The following ICE2 variants were observed in gnomAD, a reference collection of about 807,000 sequenced individuals.
ICE2 encodes interactor of little elongation complex ELL subunit 2, also known as little elongation complex subunit 2.
Under a neutral mutation model 105.4 loss-of-function variants are expected in ICE2, and 87 were observed. The observed-to-expected ratio is 0.83, with a 90% CI of 0.69 to 0.99. The LOEUF is 0.99. ICE2 is among the 50% of genes least tolerant of loss of function. The pLI is 0.00. For missense variants in ICE2, 1,323 were observed against 1,146.7 expected (o/e 1.15, Z -2.22); for synonymous variants, 399 against 392.0 (o/e 1.02, Z -0.21).
chr15:60,472,319 G>T (rs549400746), intron 3 of ICE2, among the ~76,000 whole-genome samples: 7 of 151,964 alleles, frequency 4.6e-5, no homozygotes, highest in Admixed American at 2.6e-4. Flanking sequence ...CAGAATAAAA[G>T]GCCTTGTTTT....
intron 4 of ICE2, among the ~76,000 whole-genome samples, chr15:60,467,463 A>G (rs775237587): frequency 6.6e-6 from 1 of 152,226 alleles, no homozygotes; most frequent in Admixed American, 6.5e-5. Flanking sequence ...GTAATGTCCA[A>G]TATTAGTGAA....
At chr15:60,447,442 G>T (rs2063846960) in intron 11 of ICE2, 1 of 152,140 alleles carries the variant, frequency 6.6e-6, no homozygotes, top group South Asian at 2.1e-4. Context: ...TCAGATTTTG[G>T]ATTTTTTTCT....
chr15:60,434,486 T>A (rs1382049830), intron 13 of ICE2, among the ~76,000 whole-genome samples: 1 of 151,470 alleles, frequency 6.6e-6, no homozygotes, highest in African/African-American at 2.4e-5. Context: ...ATTGGGTCTG[T>A]GCTCCATCAA....
At chr15:60,455,799 G>A (rs1229523136) in intron 6 of ICE2, among the ~76,000 whole-genome samples, 1 of 152,074 alleles carries the variant, frequency 6.6e-6, no homozygotes, top group East Asian at 1.9e-4. Context: ...TGTATTTTTA[G>A]TAGGAACGGG....
intron 5 of ICE2, among the ~76,000 whole-genome samples, chr15:60,457,350 G>A (rs975349488): frequency 1.3e-5 from 2 of 152,144 alleles, no homozygotes; most frequent in African/African-American, 4.8e-5. Flanking sequence ...ACAGCTTTCT[G>A]TGAGAATAAT....
chr15:60,464,282 G>C (rs2064360745), intron 5 of ICE2, among the ~76,000 whole-genome samples: 1 of 152,118 alleles, frequency 6.6e-6, no homozygotes, highest in Non-Finnish European at 1.5e-5. Flanking sequence ...TATCTACATT[G>C]AGCACCTGAG....
chr15:60,454,348 G>A (rs942215871), intron 8 of ICE2, among the ~76,000 whole-genome samples: 2 of 151,932 alleles, frequency 1.3e-5, no homozygotes, highest in African/African-American at 2.4e-5. Flanking sequence ...TTCCAGTAAC[G>A]AACAAGTAAA....
At chr15:60,447,303 A>G (rs2063843575) in intron 11 of ICE2, among the ~76,000 whole-genome samples, 1 of 152,208 alleles carries the variant, frequency 6.6e-6, no homozygotes, top group South Asian at 2.1e-4. Flanking sequence ...GTAATAATGG[A>G]AATCCAAATT....
intron 8 of ICE2, 146 bp downstream of exon 8, chr15:60,454,857 C>T (rs538856392): frequency 8.3e-5 from 49 of 588,394 alleles, no homozygotes; most frequent in East Asian, 1.7e-4. Context: ...TCTCACCTTG[C>T]CCCCCACCCC....
chr15:60,467,681 T>G (rs2064468800), intron 4 of ICE2, among the ~76,000 whole-genome samples: 1 of 152,240 alleles, frequency 6.6e-6, no homozygotes, highest in Non-Finnish European at 1.5e-5. Context: ...TTTTAAGAAT[T>G]TATCTTATGG....
chr15:60,424,798 G>A (rs1275225536), intron 15 of ICE2, among the ~76,000 whole-genome samples: 4 of 152,144 alleles, frequency 2.6e-5, no homozygotes, highest in African/African-American at 7.2e-5. Context: ...GAGCCACCGC[G>A]CCCAGCCAAG....
chr15:60,444,916 C>T (rs564185387), intron 11 of ICE2, among the ~76,000 whole-genome samples: 3 of 152,138 alleles, frequency 2.0e-5, no homozygotes, highest in African/African-American at 7.2e-5. Flanking sequence ...AACTCCTGAG[C>T]TCAGCTGATC....
chr15:60,459,735 A>G (rs1284554184), intron 5 of ICE2, among the ~76,000 whole-genome samples: 1 of 152,204 alleles, frequency 6.6e-6, no homozygotes, highest in African/African-American at 2.4e-5. Context: ...TATGATTTCT[A>G]TATTGTTTGG....
chr15:60,467,899 T>G (rs906350647), intron 4 of ICE2, among the ~76,000 whole-genome samples, 162 bp downstream of exon 4: 1 of 152,200 alleles, frequency 6.6e-6, no homozygotes, highest in African/African-American at 2.4e-5. Flanking sequence ...TGAACTACAA[T>G]GGAACCAACA....
intron 14 of ICE2, 94 bp downstream of exon 14, chr15:60,431,840 G>T: frequency 1.5e-6 from 1 of 650,454 alleles, no homozygotes; most frequent in Non-Finnish European, 2.6e-6. Flanking sequence ...AGGTTATTTT[G>T]TCTCTATTCC....
chr15:60,472,362 T>C (rs2064625894), intron 3 of ICE2, among the ~76,000 whole-genome samples: 1 of 152,084 alleles, frequency 6.6e-6, no homozygotes. Context: ...CAATAAAGCC[T>C]GAAATAACTG....
intron 13 of ICE2, among the ~76,000 whole-genome samples, chr15:60,433,577 C>T (rs1267792942): frequency 2.0e-5 from 3 of 151,554 alleles, no homozygotes; most frequent in East Asian, 2.0e-4. Flanking sequence ...CTGCAACCTC[C>T]GCTCCTGGGT....
chr15:60,470,103 A>T (rs973376276), intron 3 of ICE2, among the ~76,000 whole-genome samples: 1 of 152,198 alleles, frequency 6.6e-6, no homozygotes, highest in Non-Finnish European at 1.5e-5. Flanking sequence ...CCATTTGTTA[A>T]TATTTATTAA....
At chr15:60,433,547 G>A (rs28550056) in intron 13 of ICE2, among the ~76,000 whole-genome samples, 95,591 of 151,336 alleles carry the variant, frequency 0.63, 32,455 homozygotes, top group East Asian at 0.93. Context: ...GTTGAAGTGC[G>A]GTGGCACGAT....
Sources: gnomAD v4.1 joint callset for allele counts (sites outside exome capture counted in the v4.1 genomes callset) on GRCh38, gnomAD v4.1.1 for gene constraint, MANE v1.5 for transcripts, NCBI Gene and HGNC (gene_info 2026-07-23, HGNC 2026-07-21) for gene names.